Variants in CNTNAP2 observed in about 807,000 individuals in gnomAD.
The protein encoded by CNTNAP2 is contactin associated protein 2.
Under a neutral mutation model 155.2 loss-of-function variants are expected in CNTNAP2, and 98 were observed. The observed-to-expected ratio is 0.63, with a 90% CI of 0.54 to 0.75. CNTNAP2 has a LOEUF of 0.75. Among genes scored for constraint, CNTNAP2 ranks in the 30% least tolerant of loss-of-function variants. CNTNAP2 has a pLI of 0.00. For synonymous variants in CNTNAP2, 651 were observed against 631.2 expected, an observed-to-expected ratio of 1.03 and a Z score of -0.47; for missense variants, 1,727 against 1,688.1, an observed-to-expected ratio of 1.02 and a Z score of -0.40.
chr7:147,706,182 T>A (rs564203911), intron 13 of CNTNAP2, among the ~76,000 whole-genome samples: 1 of 129,738 alleles, frequency 7.7e-6, no homozygotes, highest in Non-Finnish European at 1.6e-5. Flanking sequence ...ACATTTGAGG[T>A]TTTTTTTTTT....
At chr7:147,400,074 T>C (rs1796885490) in intron 10 of CNTNAP2, among the ~76,000 whole-genome samples, 1 of 152,230 alleles carries the variant, frequency 6.6e-6, no homozygotes, top group African/African-American at 2.4e-5. Context: ...CATCTTAAGA[T>C]GCCTGACTCA....
rs1452365066 is a variant in CNTNAP2, at chr7:146,650,889, T to C, written c.98-123382T>C. Among the ~76,000 whole-genome samples, 6 of 152,212 alleles carry C rather than the reference T, an allele frequency of 3.9e-5. No homozygotes were observed. The South Asian group carries it at 8.3e-4, about 21-fold the overall frequency. ...ATTAGAAAACAGCCAGATGGACTGG[T>C]AGGCACCTGTATCGCAACTATTCAG... On this transcript the variant is annotated intron_variant, in intron 1 of 23. Transcript: ENST00000361727.
intron 1 of CNTNAP2, among the ~76,000 whole-genome samples, chr7:146,375,252 C>T (rs868319595): frequency 6.6e-6 from 1 of 152,196 alleles, no homozygotes; most frequent in Non-Finnish European, 1.5e-5. Context: ...AAAAGAAATG[C>T]TTTTGCTCTT....
At position 147,903,703 on chromosome 7, in the gene CNTNAP2, A is replaced by T. The variant is rs142642638; in HGVS notation, c.2237A>T (p.Asp746Val). Residue 746 changes from aspartate to valine, a missense_variant, in exon 14 of 24, where the codon GAC becomes GTC. Coordinates refer to ENST00000361727, the MANE Select transcript of CNTNAP2 (RefSeq NM_014141.6). The part of the protein sequence containing the change: ...CTDPKYYCNC[D>V]ADYKQWRKDA... ...GATCCCAAGTACTACTGTAACTGCG[A>T]CGCGGACTACAAGCAATGGTGAGTG... 6.2e-7 allele frequency: 1 copy of T among 1,613,746 alleles called. No individual in the cohort carries two copies. The highest frequency in any genetic ancestry group is 1.3e-5 in the African/African-American group (1 of 74,910).
At chr7:146,450,954 T>TTTA (rs1487780983) in intron 1 of CNTNAP2, among the ~76,000 whole-genome samples, 137 of 152,040 alleles carry the variant, frequency 9.0e-4, no homozygotes, top group African/African-American at 2.7e-3. Flanking sequence ...TATTTATTTA[T>TTTA]TTATTTATTT....
intron 20 of CNTNAP2, among the ~76,000 whole-genome samples, chr7:148,231,333 G>A (rs1348847685): frequency 1.3e-5 from 2 of 152,178 alleles, no homozygotes; most frequent in South Asian, 2.1e-4. Flanking sequence ...AATGGGTTTG[G>A]GGGAGGGTCT....
intron 8 of CNTNAP2, among the ~76,000 whole-genome samples, chr7:147,264,694 C>T (rs1028849325): frequency 1.3e-5 from 2 of 151,326 alleles, no homozygotes; most frequent in African/African-American, 2.4e-5. Context: ...ACCTTTATAC[C>T]AGCAGCCACA....
chr7:147,438,566 TTGTC>T (rs1463409469), intron 10 of CNTNAP2, among the ~76,000 whole-genome samples: 3 of 151,950 alleles, frequency 2.0e-5, no homozygotes, highest in South Asian at 2.1e-4. Flanking sequence ...TCATGTGTCT[TTGTC>T]TGGTTTTGGA....
chr7:147,412,589 T>A (rs944611831), intron 10 of CNTNAP2, among the ~76,000 whole-genome samples: 1 of 152,214 alleles, frequency 6.6e-6, no homozygotes, highest in African/African-American at 2.4e-5. Context: ...TCTCTGTGCC[T>A]AACACAGTGC....
chr7:146,672,065 C>G (rs577185124), intron 1 of CNTNAP2, among the ~76,000 whole-genome samples: 1 of 152,046 alleles, frequency 6.6e-6, no homozygotes, highest in African/African-American at 2.4e-5. Flanking sequence ...CTACCCACCT[C>G]GGCCTCCCAA....
At chr7:146,316,090 C>A (rs1196088627) in intron 1 of CNTNAP2, among the ~76,000 whole-genome samples, 1 of 152,080 alleles carries the variant, frequency 6.6e-6, no homozygotes, top group Admixed American at 6.5e-5. Flanking sequence ...CTTTTTATTT[C>A]ATTTTAAGTT....
At chr7:146,983,174 A>T (rs1031543202) in intron 3 of CNTNAP2, among the ~76,000 whole-genome samples, 2 of 152,206 alleles carry the variant, frequency 1.3e-5, no homozygotes, top group African/African-American at 4.8e-5. Context: ...CATTTCTGGA[A>T]CAAAAGCTCC....
intron 14 of CNTNAP2, among the ~76,000 whole-genome samples, chr7:147,977,328 A>T (rs1801441519): frequency 6.6e-6 from 1 of 152,218 alleles, no homozygotes; most frequent in Non-Finnish European, 1.5e-5. Flanking sequence ...ACACTTATTG[A>T]ATACCTGTTC....
At chr7:146,830,183 C>A (rs1469467121) in intron 2 of CNTNAP2, among the ~76,000 whole-genome samples, 3 of 152,054 alleles carry the variant, frequency 2.0e-5, no homozygotes, top group African/African-American at 7.2e-5. Context: ...TTTAAAAAAT[C>A]TTTCCCAACC....
chr7:146,673,939 C>T (rs1388193375), intron 1 of CNTNAP2, among the ~76,000 whole-genome samples: 2 of 152,154 alleles, frequency 1.3e-5, no homozygotes, highest in Non-Finnish European at 1.5e-5. Flanking sequence ...CAGAGTGTGT[C>T]CTACTTACAT....
At chr7:148,168,292 G>A (rs1805709587) in intron 17 of CNTNAP2, among the ~76,000 whole-genome samples, 1 of 151,940 alleles carries the variant, frequency 6.6e-6, no homozygotes, top group South Asian at 2.1e-4. Context: ...ATTCACAATA[G>A]CAAAGACTTG....
chr7:146,969,692 G>T (rs1797739936), intron 3 of CNTNAP2, among the ~76,000 whole-genome samples: 1 of 151,196 alleles, frequency 6.6e-6, no homozygotes, highest in Admixed American at 6.6e-5. Context: ...CTTTTATTTT[G>T]AGCCTATGTG....
chr7:146,226,542 C>T (rs1187798426), intron 1 of CNTNAP2, among the ~76,000 whole-genome samples: 3 of 151,948 alleles, frequency 2.0e-5, no homozygotes, highest in Non-Finnish European at 2.9e-5. Context: ...ACTTGTAGAC[C>T]CAGGTACTCT....
At chr7:147,486,909 G>A (rs1235320408) in intron 11 of CNTNAP2, among the ~76,000 whole-genome samples, 2 of 152,022 alleles carry the variant, frequency 1.3e-5, no homozygotes, top group Non-Finnish European at 2.9e-5. Context: ...GTGTGTGTGT[G>A]TGTGTGTAGG....
Sources: gnomAD v4.1 joint callset for allele counts (sites outside exome capture counted in the v4.1 genomes callset) on GRCh38, gnomAD v4.1.1 for gene constraint, MANE v1.5 for transcripts, NCBI Gene and HGNC (gene_info 2026-07-23, HGNC 2026-07-21) for gene names.